The following GRAMD1B variants were observed in gnomAD, a reference collection of about 807,000 sequenced individuals.
The protein encoded by GRAMD1B is protein Aster-B.
GRAMD1B carries 37 observed loss-of-function variants against 99.7 expected under a neutral mutation model. The ratio of observed to expected loss-of-function variants is 0.37; its 90% CI spans 0.29 to 0.49. GRAMD1B has a LOEUF of 0.49. GRAMD1B is among the 20% of genes least tolerant of loss of function. The pLI is 0.98. For synonymous variants in GRAMD1B, 427 were observed against 387.6 expected, an observed-to-expected ratio of 1.10 and a Z score of -1.19; for missense variants, 888 against 1,009.2, an observed-to-expected ratio of 0.88 and a Z score of 1.63.
chr11:123,410,628 G>A (rs1948012850), intron 1 of GRAMD1B, among the ~76,000 whole-genome samples: 1 of 152,102 alleles, frequency 6.6e-6, no homozygotes, highest in African/African-American at 2.4e-5. Context: ...CCTAAGAGCA[G>A]TGCAGCCATG....
At chr11:123,441,070 A>G (rs1490283015) in intron 1 of GRAMD1B, among the ~76,000 whole-genome samples, 2 of 152,162 alleles carry the variant, frequency 1.3e-5, no homozygotes, top group African/African-American at 2.4e-5. Context: ...TAAGTCCAAT[A>G]AACCTCTTTC....
At chr11:123,532,403 C>T (rs1264551498) in intron 2 of GRAMD1B, among the ~76,000 whole-genome samples, 1 of 152,222 alleles carries the variant, frequency 6.6e-6, no homozygotes, top group Non-Finnish European at 1.5e-5. Flanking sequence ...TGCCTGACTG[C>T]AGGAAAGCTG....
At chr11:123,366,921 G>T (rs932245966) in intron 1 of GRAMD1B, among the ~76,000 whole-genome samples, 1 of 152,140 alleles carries the variant, frequency 6.6e-6, no homozygotes, top group Non-Finnish European at 1.5e-5. Context: ...AAGAAACAAT[G>T]GGCCAGGTGT....
intron 1 of GRAMD1B, among the ~76,000 whole-genome samples, chr11:123,434,646 G>C (rs187320462): frequency 1.3e-5 from 2 of 152,084 alleles, no homozygotes; most frequent in Non-Finnish European, 2.9e-5. Context: ...AAATTAGCTG[G>C]ACATGGTAGT....
At chr11:123,511,318 G>A (rs1216609116) in intron 2 of GRAMD1B, among the ~76,000 whole-genome samples, 1 of 152,156 alleles carries the variant, frequency 6.6e-6, no homozygotes, top group East Asian at 1.9e-4. Context: ...TGCTGCCGCT[G>A]GCCCCGCCCA....
chr11:123,458,878 T>A (rs1182390672), intron 1 of GRAMD1B: 1 of 152,196 alleles, frequency 6.6e-6, no homozygotes, highest in Non-Finnish European at 1.5e-5. Flanking sequence ...GCTTGGTGAT[T>A]GAAGTGGAGG....
intron 3 of GRAMD1B, among the ~76,000 whole-genome samples, chr11:123,580,565 C>T (rs1465104226): frequency 6.6e-6 from 1 of 152,216 alleles, no homozygotes; most frequent in Admixed American, 6.5e-5. Context: ...GCCTCAGTTT[C>T]CTCATTTGCT....
chr11:123,624,773 T>C lies in GRAMD1B; in HGVS notation c.*2178T>C, dbSNP rs886892876. The C allele has an allele frequency of 6.6e-6, 1 of 152,228 alleles. No homozygotes were observed. The highest frequency in any genetic ancestry group is 1.5e-5 in the Non-Finnish European group (1 of 68,048). The allele number at this position is 152,228 out of a possible 1,614,324, so 9.4% of individuals were successfully genotyped here. ...ATTATTTCCTTAAGTTATTTAATTA[T>C]TAAAGGTGCCACGGTGGGACCTTTG... On this transcript the variant is annotated 3_prime_UTR_variant, in exon 20 of 20. Transcript: ENST00000635736.
intron 1 of GRAMD1B, among the ~76,000 whole-genome samples, chr11:123,396,432 C>A (rs558717874): frequency 1.3e-5 from 2 of 152,060 alleles, no homozygotes; most frequent in Non-Finnish European, 2.9e-5. Flanking sequence ...TGTACCACCA[C>A]GCCTGGCTAA....
chr11:123,557,416 G>T (rs955880593), intron 2 of GRAMD1B, among the ~76,000 whole-genome samples: 1 of 152,158 alleles, frequency 6.6e-6, no homozygotes, highest in Non-Finnish European at 1.5e-5. Flanking sequence ...CACATACTTC[G>T]TGCATCTTAA....
chr11:123,437,427 C>A lies in GRAMD1B; in HGVS notation c.374+6261C>A, dbSNP rs148550353. Among the ~76,000 whole-genome samples, 6 of 152,280 alleles carry A rather than the reference C, an allele frequency of 3.9e-5. 1 individual carries two copies. Among genetic ancestry groups the A allele is most frequent in the African/African-American group, 1.4e-4 (6 of 41,558 alleles). ...TGGAGGGGGAAGGGAAAGCTGACGA[C>A]GGGTGAGTGAGTTGGGTGGTGGCCA... On this transcript the variant is annotated intron_variant, in intron 1 of 19. Transcript: ENST00000635736.
intron 10 of GRAMD1B, among the ~76,000 whole-genome samples, chr11:123,605,938 A>T (rs942817059): frequency 5.9e-5 from 9 of 152,204 alleles, no homozygotes; most frequent in Non-Finnish European, 1.2e-4. Flanking sequence ...TGGAAGCCAT[A>T]AAAATGTGTA....
At chr11:123,484,664 G>GC (rs537859108) in intron 2 of GRAMD1B, among the ~76,000 whole-genome samples, 9 of 151,912 alleles carry the variant, frequency 5.9e-5, no homozygotes, top group Non-Finnish European at 1.0e-4. Context: ...CCTGTGACCG[G>GC]CCCCCCCTCC....
intron 12 of GRAMD1B, 59 bp downstream of exon 12, chr11:123,608,861 C>T (rs1270993797): frequency 2.6e-6 from 3 of 1,148,536 alleles, no homozygotes; most frequent in African/African-American, 3.1e-5. Context: ...CTTCTTCCCT[C>T]TCTACATTTG....
Position 123,610,398 on chromosome 11 carries a change from A to G in GRAMD1B, c.1919+60A>G. ...GGGGTCCTTACCTTAGAGAACATTC[A>G]TTTGCTCCTGACGGGGAAGGAGGAG... On this transcript the variant is annotated intron_variant, in intron 14 of 19. Coordinates refer to ENST00000635736, the MANE Select transcript of GRAMD1B (RefSeq NM_001387025.1). This position sits in a 1 kb window ranked among gnomAD's most constrained non-coding sequence, Gnocchi z 4.1. 6.5e-7 allele frequency: 1 copy of G among 1,541,972 alleles called. No homozygotes were observed. Among genetic ancestry groups the G allele is most frequent in the Non-Finnish European group, 9.0e-7 (1 of 1,116,876 alleles).
chr11:123,486,963 G>C (rs540211230), intron 2 of GRAMD1B, among the ~76,000 whole-genome samples: 1 of 152,330 alleles, frequency 6.6e-6, no homozygotes, highest in East Asian at 1.9e-4. Flanking sequence ...CAGCTACTCA[G>C]GAGGCTAAGG....
intron 1 of GRAMD1B, among the ~76,000 whole-genome samples, chr11:123,386,577 A>G (rs571336895): frequency 7.2e-5 from 11 of 151,966 alleles, no homozygotes; most frequent in African/African-American, 2.2e-4. Context: ...AGCTGGGATT[A>G]CAGGCACCAG....
At chr11:123,578,025 T>G (rs1948920907) in intron 3 of GRAMD1B, among the ~76,000 whole-genome samples, 1 of 152,098 alleles carries the variant, frequency 6.6e-6, no homozygotes, top group Admixed American at 6.5e-5. Flanking sequence ...TTTGCACTAA[T>G]CCACTTGGTA....
chr11:123,578,269 C>T (rs1289832667), intron 3 of GRAMD1B: 16 of 667,500 alleles, frequency 2.4e-5, no homozygotes, highest in Non-Finnish European at 2.9e-5. Flanking sequence ...CTGGGACCCC[C>T]AGGGCCTGGG....
Sources: allele counts gnomAD v4.1 joint callset (sites outside exome capture counted in the v4.1 genomes callset), GRCh38; gene constraint gnomAD v4.1.1; non-coding constraint Gnocchi (gnomAD v3.1); transcripts MANE v1.5; gene names NCBI Gene and HGNC (gene_info 2026-07-23, HGNC 2026-07-21).